The following TMEM108 variants were observed in gnomAD, a reference collection of about 807,000 sequenced individuals.
TMEM108 encodes transmembrane protein 108.
A neutral mutation model predicts 35.1 loss-of-function variants in TMEM108; 12 were observed. The observed-to-expected ratio is 0.34, with a 90% CI of 0.22 to 0.55. TMEM108 has a LOEUF of 0.55. TMEM108 is among the 20% of genes least tolerant of loss of function. TMEM108 has a pLI of 0.89. For synonymous variants in TMEM108, 287 were observed against 308.6 expected (o/e 0.93, Z 0.73); for missense variants, 680 against 753.3 (o/e 0.90, Z 1.14).
intron 2 of TMEM108, among the ~76,000 whole-genome samples, chr3:133,142,937 G>A (rs537470606): frequency 4.6e-5 from 7 of 152,230 alleles, no homozygotes; most frequent in African/African-American, 1.7e-4. Context: ...TCTTGAATAT[G>A]CCCAAGATTA....
intron 4 of TMEM108, among the ~76,000 whole-genome samples, chr3:133,383,465 G>A (rs530156765): frequency 1.2e-4 from 19 of 152,300 alleles, no homozygotes; most frequent in African/African-American, 4.6e-4. Flanking sequence ...GCCAGACACT[G>A]TGCCGAGCAT....
At chr3:133,146,750 A>G (rs189553727) in intron 2 of TMEM108, among the ~76,000 whole-genome samples, 45 of 152,244 alleles carry the variant, frequency 3.0e-4, no homozygotes, top group Admixed American at 2.7e-3. Context: ...GTTTATTTGC[A>G]TAGAGGTGTT....
At chr3:133,314,809 C>T (rs996594706) in intron 3 of TMEM108, among the ~76,000 whole-genome samples, 2 of 152,210 alleles carry the variant, frequency 1.3e-5, no homozygotes, top group South Asian at 4.1e-4. Context: ...AGAAATAGCT[C>T]ATTCCAACAC....
intron 3 of TMEM108, among the ~76,000 whole-genome samples, chr3:133,252,679 G>A (rs887756151): frequency 3.3e-5 from 5 of 151,944 alleles, no homozygotes; most frequent in Admixed American, 6.6e-5. Context: ...AAGATGAAGG[G>A]GTCAAGGAGT....
chr3:133,083,990 C>G (rs1306508295), intron 2 of TMEM108, among the ~76,000 whole-genome samples: 5 of 152,044 alleles, frequency 3.3e-5, no homozygotes, highest in African/African-American at 9.7e-5. Flanking sequence ...TCTCTTGACA[C>G]GGTTATAGGG....
intron 3 of TMEM108, among the ~76,000 whole-genome samples, chr3:133,267,080 C>CA (rs567345267): frequency 0.53 from 61,380 of 115,600 alleles, 15,061 homozygotes; most frequent in East Asian, 0.87. Flanking sequence ...GACTCCACCT[C>CA]AAAAAAAAAA....
chr3:133,120,632 C>G (rs1944341355), intron 2 of TMEM108, among the ~76,000 whole-genome samples: 1 of 152,164 alleles, frequency 6.6e-6, no homozygotes, highest in Non-Finnish European at 1.5e-5. Flanking sequence ...TGTTATACTT[C>G]TGTCACATTT....
intron 3 of TMEM108, among the ~76,000 whole-genome samples, chr3:133,302,327 T>C (rs1947237607): frequency 6.6e-6 from 1 of 152,092 alleles, no homozygotes; most frequent in African/African-American, 2.4e-5. Context: ...TAGGAGGGAA[T>C]TTACACCATT....
At chr3:133,126,001 G>A (rs1293301931) in intron 2 of TMEM108, among the ~76,000 whole-genome samples, 1 of 152,154 alleles carries the variant, frequency 6.6e-6, no homozygotes. Context: ...CTGGCTGACT[G>A]ACATCAATTA....
At chr3:133,325,442 A>G (rs1446341554) in intron 3 of TMEM108, among the ~76,000 whole-genome samples, 1 of 152,204 alleles carries the variant, frequency 6.6e-6, no homozygotes, top group African/African-American at 2.4e-5. Context: ...GCAACCAAAC[A>G]CCATCTGTTC....
At chr3:133,094,969 TAGTA>T (rs370065742) in intron 2 of TMEM108, among the ~76,000 whole-genome samples, 50 of 152,286 alleles carry the variant, frequency 3.3e-4, no homozygotes, top group African/African-American at 1.2e-3. Context: ...AGTGGGGAGT[TAGTA>T]AGTGACTAAG....
At chr3:133,357,202 G>T (rs1404560327) in intron 3 of TMEM108, among the ~76,000 whole-genome samples, 1 of 152,102 alleles carries the variant, frequency 6.6e-6, no homozygotes, top group Non-Finnish European at 1.5e-5. Flanking sequence ...CTAATCATCA[G>T]GGAAATGCTA....
chr3:133,332,728 G>A (rs9876399), intron 3 of TMEM108, among the ~76,000 whole-genome samples: 32,300 of 152,146 alleles, frequency 0.21, 4,109 homozygotes, highest in Middle Eastern at 0.31. Context: ...TTTTCAATCA[G>A]CTCGATTCAG....
chr3:133,342,286 C>T (rs1050641624), intron 3 of TMEM108, among the ~76,000 whole-genome samples: 7 of 150,746 alleles, frequency 4.6e-5, no homozygotes, highest in Non-Finnish European at 1.0e-4. Flanking sequence ...GAATAAGACC[C>T]AGTATTTGCT....
At chr3:133,184,559 T>C (rs1945393331) in intron 2 of TMEM108, among the ~76,000 whole-genome samples, 1 of 152,214 alleles carries the variant, frequency 6.6e-6, no homozygotes, top group Non-Finnish European at 1.5e-5. Flanking sequence ...TTGAAAGTGT[T>C]GTTAAAGAAA....
intron 3 of TMEM108, among the ~76,000 whole-genome samples, chr3:133,335,914 A>C (rs148547862): frequency 6.6e-6 from 1 of 152,154 alleles, no homozygotes; most frequent in Non-Finnish European, 1.5e-5. Flanking sequence ...GAGTGCAACA[A>C]TTGTGGGACA....
At chr3:133,234,456 C>T (rs1247761104) in intron 3 of TMEM108, among the ~76,000 whole-genome samples, 5 of 152,094 alleles carry the variant, frequency 3.3e-5, no homozygotes, top group Admixed American at 1.3e-4. Context: ...ATACGCACAT[C>T]AATAAATGTA....
At chr3:133,237,782 C>G (rs998200008) in intron 3 of TMEM108, among the ~76,000 whole-genome samples, 2 of 152,082 alleles carry the variant, frequency 1.3e-5, no homozygotes, top group African/African-American at 2.4e-5. Context: ...TGCCATCCTT[C>G]TAATTTTTTG....
chr3:133,090,685 A>G (rs1403254096), intron 2 of TMEM108, among the ~76,000 whole-genome samples: 3 of 152,208 alleles, frequency 2.0e-5, no homozygotes, highest in Non-Finnish European at 2.9e-5. Flanking sequence ...CATCCACAGA[A>G]ACTCATTGGT....
Sources: gnomAD v4.1 joint callset for allele counts (sites outside exome capture counted in the v4.1 genomes callset) on GRCh38, gnomAD v4.1.1 for gene constraint, MANE v1.5 for transcripts, NCBI Gene and HGNC (gene_info 2026-07-23, HGNC 2026-07-21) for gene names.